Variants in NUP188 observed in about 807,000 individuals in gnomAD.
NUP188 encodes nucleoporin 188.
NUP188 carries 97 observed loss-of-function variants against 223.0 expected under a neutral mutation model. That is an observed-to-expected ratio of 0.43 (90% CI 0.37 to 0.51). The LOEUF is 0.51. Ranked by LOEUF, NUP188 falls within the 20% of genes least tolerant of loss-of-function variation. NUP188 has a pLI of 0.00. For synonymous variants in NUP188, 869 were observed against 828.0 expected (o/e 1.05, Z -0.85); for missense variants, 1,947 against 2,175.6 (o/e 0.89, Z 2.09).
At chr9:128,952,868 G>T (rs1242961980) in intron 3 of NUP188, 22 bp downstream of exon 3, 1 of 1,593,022 alleles carries the variant, frequency 6.3e-7, no homozygotes, top group Non-Finnish European at 8.6e-7. Flanking sequence ...CCGGGTGTCT[G>T]GTTAAAGTAA....
At chr9:128,978,613 A>T (rs1385606450) in intron 12 of NUP188, among the ~76,000 whole-genome samples, 1 of 151,676 alleles carries the variant, frequency 6.6e-6, no homozygotes, top group African/African-American at 2.4e-5. Context: ...ACTCACCCAG[A>T]ATTCTTGCAC....
chr9:128,993,205 A>G lies in NUP188; in HGVS notation c.2649A>G (p.Pro883=). The part of the protein sequence containing the change: ...QLLKRLATVA[P]MSVYACLGND... ...GTTCCGGTCTCCACCAGGTGGCCCC[A>G]ATGTCAGTGTATGCTTGTCTGGGCA... The change falls in exon 26 of 44, where the codon CCA becomes CCG. Residue 883 remains proline, a synonymous_variant. Coordinates refer to ENST00000372577, the MANE Select transcript of NUP188 (RefSeq NM_015354.3). 1 of 1,614,028 alleles carries G rather than the reference A, an allele frequency of 6.2e-7. No homozygotes were observed. Among genetic ancestry groups the G allele is most frequent in the Non-Finnish European group, 8.5e-7 (1 of 1,179,892 alleles).
At chr9:128,987,548 T>C (rs1438358793) in intron 22 of NUP188, 41 bp from the exon 23 acceptor site, 5 of 1,590,092 alleles carry the variant, frequency 3.1e-6, no homozygotes, top group Non-Finnish European at 4.3e-6. Flanking sequence ...CAAGATACAC[T>C]GAGTGGCTCC....
In NUP188 at chr9:129,002,876, G is replaced by A; in HGVS notation, c.4197G>A (p.Leu1399=). 1 of 1,614,220 alleles carries A rather than the reference G, an allele frequency of 6.2e-7. No individual in the cohort carries two copies. Among genetic ancestry groups the A allele is most frequent in the African/African-American group, 1.3e-5 (1 of 75,062 alleles). Residue 1399 remains leucine (L), a synonymous_variant, in exon 37 of 44, where the codon CTG becomes CTA. Coordinates refer to ENST00000372577, the MANE Select transcript of NUP188 (RefSeq NM_015354.3). ...CCTCTTGGCCAGGAGTCTACCGCCTGTCCATGTCCCTGATGGAGCAGCTGC... is the reference window on the plus strand; with the variant it reads ...CCTCTTGGCCAGGAGTCTACCGCCTATCCATGTCCCTGATGGAGCAGCTGC... ...DAPSWPGVYR[L]SMSLMEQLLK... is the part of the protein sequence containing the mutation.
At chr9:128,991,911 T>TC (rs1842440332) in intron 25 of NUP188, among the ~76,000 whole-genome samples, 1 of 147,292 alleles carries the variant, frequency 6.8e-6, no homozygotes, top group East Asian at 2.0e-4. Context: ...TTCTTTCTTT[T>TC]TTTTTTTTTT....
chr9:128,968,377 C>T, intron 8 of NUP188, 129 bp from the exon 9 acceptor site: 2 of 678,064 alleles, frequency 2.9e-6, no homozygotes, highest in South Asian at 3.8e-5. Flanking sequence ...GCAGTTTGAG[C>T]AGCCATAATC....
intron 34 of NUP188, 131 bp downstream of exon 34, chr9:128,999,936 T>TTAA (rs1190827521): frequency 8.6e-6 from 7 of 818,348 alleles, no homozygotes; most frequent in Non-Finnish European, 1.4e-5. Context: ...GTGGGAAAGG[T>TTAA]TAATAGATCA....
Position 129,006,817 on chromosome 9 carries a change from G to A in NUP188, c.*139G>A. ...CCCTCCCGGAGTAGCCACGACTCCA[G>A]CCACCACCCACTGACGTTATTTTTA... is the stretch of plus-strand genomic sequence containing the variant. On this transcript the variant is annotated 3_prime_UTR_variant, in exon 44 of 44. Transcript: ENST00000372577. 1 of 813,308 alleles carries A rather than the reference G, an allele frequency of 1.2e-6. No individual in the cohort carries two copies. The highest frequency in any genetic ancestry group is 1.9e-6 in the Non-Finnish European group (1 of 535,338). The allele number at this position is 813,308 out of a possible 1,614,324, so 50.4% of individuals were successfully genotyped here.
At chr9:128,969,888 C>G (rs1486111261) in intron 10 of NUP188, among the ~76,000 whole-genome samples, 1 of 152,132 alleles carries the variant, frequency 6.6e-6, no homozygotes, top group African/African-American at 2.4e-5. Context: ...GCCTAAGCCT[C>G]CTAAAGTGCT....
chr9:129,003,070 G>A lies in NUP188; in HGVS notation c.4296+95G>A, dbSNP rs567018301. ...AGGTGGGTGTGGAGCCTGGGCCTCA[G>A]TAGCGGAGGGTTGTCGATGCCTTCA... On this transcript the variant is annotated intron_variant, in intron 37 of 43. Transcript: ENST00000372577. 10 of 1,384,316 alleles carry A rather than the reference G, an allele frequency of 7.2e-6. No individual in the cohort carries two copies. In the East Asian group the frequency reaches 2.3e-4, roughly 32 times the overall value. The allele number at this position is 1,384,316 out of a possible 1,614,324, so 85.8% of individuals were successfully genotyped here.
chr9:128,997,955 G>A (rs574636358), intron 30 of NUP188, among the ~76,000 whole-genome samples, 196 bp from the exon 31 acceptor site: 3 of 152,094 alleles, frequency 2.0e-5, no homozygotes, highest in African/African-American at 7.2e-5. Context: ...TCCTGACCTC[G>A]TGATCCGCCC....
At chr9:128,976,485 A>G (rs1318706733) in intron 12 of NUP188, among the ~76,000 whole-genome samples, 2 of 152,064 alleles carry the variant, frequency 1.3e-5, no homozygotes, top group Admixed American at 1.3e-4. Flanking sequence ...AGCCTGGCCA[A>G]CATGGTGAAA....
Position 128,968,590 on chromosome 9 carries a change from T to C in NUP188, c.670T>C (p.Tyr224His). The stretch of plus-strand genomic sequence containing the variant: ...AGAAATTATTTTCCTTTATTATGCA[T>C]ACTTTGAGATGGCACCCAGTGACTT... ...LLEIIFLYYA[Y>H]FEMAPSDLLV... Residue 224 changes from tyrosine (Y) to histidine (H), a missense_variant, in exon 9 of 44, where the codon TAC becomes CAC. Transcript: ENST00000372577. 1 of 1,614,118 alleles carries C rather than the reference T, an allele frequency of 6.2e-7. No individual in the cohort carries two copies. The highest frequency in any genetic ancestry group is 8.5e-7 in the Non-Finnish European group (1 of 1,179,934).
At chr9:128,986,467 G>T in intron 20 of NUP188, 91 bp from the exon 21 acceptor site, 3 of 1,343,844 alleles carry the variant, frequency 2.2e-6, no homozygotes, top group East Asian at 2.3e-5. Flanking sequence ...ATTTCCTTTG[G>T]ACCTATCTAT....
chr9:128,968,036 C>T (rs942146314), intron 8 of NUP188, among the ~76,000 whole-genome samples: 5 of 152,124 alleles, frequency 3.3e-5, no homozygotes, highest in African/African-American at 7.2e-5. Flanking sequence ...CCAGGAGGAT[C>T]GATTGAGGCT....
chr9:128,947,874 A>C, intron 1 of NUP188, 123 bp downstream of exon 1: 3 of 917,012 alleles, frequency 3.3e-6, no homozygotes, highest in Non-Finnish European at 4.4e-6. Flanking sequence ...GGCTGGATGG[A>C]CGGGCACCGA....
chr9:128,989,605 G>A (rs1228353141), intron 24 of NUP188, among the ~76,000 whole-genome samples: 1 of 152,132 alleles, frequency 6.6e-6, no homozygotes, highest in East Asian at 1.9e-4. Flanking sequence ...AGGCCGAGGT[G>A]GGTGGATCAC....
chr9:128,992,677 C>T (rs1842453528), intron 25 of NUP188, among the ~76,000 whole-genome samples: 1 of 152,092 alleles, frequency 6.6e-6, no homozygotes, highest in Non-Finnish European at 1.5e-5. Flanking sequence ...ATGGATGCAT[C>T]CTGATTTATT....
At chr9:128,995,004 G>T (rs1269133849) in intron 29 of NUP188, 81 bp downstream of exon 29, 2 of 1,030,748 alleles carry the variant, frequency 1.9e-6, no homozygotes, top group African/African-American at 3.1e-5. Flanking sequence ...TGCATGGCTG[G>T]AAGAGCCAAG....
Sources: allele counts gnomAD v4.1 joint callset (sites outside exome capture counted in the v4.1 genomes callset), GRCh38; gene constraint gnomAD v4.1.1; transcripts MANE v1.5; gene names NCBI Gene and HGNC (gene_info 2026-07-23, HGNC 2026-07-21).